Variants in EI24 observed in about 807,000 individuals in gnomAD.
EI24 encodes etoposide-induced protein 2.4 homolog.
In EI24, 21 loss-of-function variants were observed where a neutral mutation model predicts 48.6. That is an observed-to-expected ratio of 0.43 (90% CI 0.31 to 0.62). The LOEUF is 0.62. Ranked by LOEUF, EI24 falls within the 20% of genes least tolerant of loss-of-function variation. The pLI is 0.10. For missense variants in EI24, 280 were observed against 410.5 expected, an observed-to-expected ratio of 0.68 and a Z score of 2.75; for synonymous variants, 114 against 145.5, an observed-to-expected ratio of 0.78 and a Z score of 1.56.
At chr11:125,578,423 A>T (rs1397075255) in intron 6 of EI24, among the ~76,000 whole-genome samples, 166 bp downstream of exon 6, 2 of 148,360 alleles carry the variant, frequency 1.3e-5, no homozygotes, top group Admixed American at 6.7e-5. Context: ...ACAGAATGGA[A>T]TTATTGTCTC....
rs1938749735 is a variant in EI24 at position 125,576,442 on chromosome 11, T to C, written c.249+127T>C. The C allele has an allele frequency of 4.6e-6, 4 of 874,406 alleles. No individual in the cohort carries two copies. In the South Asian group the frequency reaches 6.2e-5, roughly 14 times the overall value. 54.2% of individuals were successfully genotyped at this position (874,406 alleles called of 1,614,324 possible). On this transcript the variant is annotated intron_variant, in intron 4 of 10. Transcript: ENST00000278903. ...ATCTGCTGATGTACACTTAGAAATA[T>C]AACTCAGGAGTCTGTGCATCTGCAG...
rs945273269 is a variant in EI24, at chr11:125,575,158, T to G, written c.43-105T>G. ...AGGAGGATCATTTGAACCCAGGAGT[T>G]GGAGGCTGCAGTGAGCTATGATTGA... On this transcript the variant is annotated intron_variant, in intron 2 of 10. Transcript: ENST00000278903. The G allele has an allele frequency of 2.2e-5, 23 of 1,031,906 alleles. 1 individual carries two copies. In the African/African-American group the frequency reaches 3.2e-4, roughly 15 times the overall value. The allele number at this position is 1,031,906 out of a possible 1,614,324, so 63.9% of individuals were successfully genotyped here.
At chr11:125,574,336 T>A (rs1938649915) in intron 2 of EI24, among the ~76,000 whole-genome samples, 1 of 152,174 alleles carries the variant, frequency 6.6e-6, no homozygotes, top group Non-Finnish European at 1.5e-5. Flanking sequence ...GTAGATGTCT[T>A]AGAGGTGGGG....
chr11:125,582,224 A>T, intron 9 of EI24, 122 bp from the exon 10 acceptor site: 4 of 829,628 alleles, frequency 4.8e-6, no homozygotes, highest in African/African-American at 1.8e-5. Context: ...TGAAATATTG[A>T]GGTTTCATCA....
chr11:125,581,275 T>G lies in EI24; in HGVS notation c.738T>G (p.Gly246=). The part of the protein sequence containing the change: ...ERNWPYYFGF[G]LPLAFLTAMQ... ...ATTGGCCTTACTACTTTGGGTTTGG[T>G]TTGCCCTTGGCTTTTCTCACAGCAA... Residue 246 remains glycine (G), a synonymous_variant, in exon 9 of 11, where the codon GGT becomes GGG. Transcript: ENST00000278903. 1 of 1,611,630 alleles carries G rather than the reference T, an allele frequency of 6.2e-7. No individual in the cohort carries two copies. Among genetic ancestry groups the G allele is most frequent in the Non-Finnish European group, 8.5e-7 (1 of 1,178,536 alleles).
rs533979857 is a variant in EI24 at position 125,573,538 on chromosome 11, G to C, written c.42+969G>C. ...GAGGCAGGATTGCTTGAGTCTGGGA[G>C]TATGAAGCAGTAGTGAACTATGATG... On this transcript the variant is annotated intron_variant, in intron 2 of 10. Coordinates refer to ENST00000278903, the MANE Select transcript of EI24 (RefSeq NM_004879.5). 253 of 379,740 alleles carry C rather than the reference G, an allele frequency of 6.7e-4. 5 individuals are homozygous for C. Among genetic ancestry groups the C allele is most frequent in the South Asian group, 4.8e-3 (246 of 51,570 alleles). 23.5% of individuals were successfully genotyped at this position (379,740 alleles called of 1,614,324 possible).
chr11:125,579,351 A>ATT (rs562498961), intron 7 of EI24, among the ~76,000 whole-genome samples: 2 of 144,320 alleles, frequency 1.4e-5, no homozygotes, highest in Non-Finnish European at 3.1e-5. Context: ...GTTATGCCTA[A>ATT]TTTTTTTTTT....
rs189254239 is a variant in EI24 at position 125,579,932 on chromosome 11, G to A, written c.562-161G>A. Among the ~76,000 whole-genome samples, 488 of 152,212 alleles carry A rather than the reference G, an allele frequency of 3.2e-3. 1 individual carries two copies. Among genetic ancestry groups the A allele is most frequent in the African/African-American group, 0.011 (463 of 41,520 alleles). ...TCCCGCCTCATCCTCCCAAACTGTTGGGATTACAGGAATGAGTCACTGTGC... is the reference window on the plus strand; with the variant it reads ...TCCCGCCTCATCCTCCCAAACTGTTAGGATTACAGGAATGAGTCACTGTGC... On this transcript the variant is annotated intron_variant, in intron 7 of 10. Transcript: ENST00000278903.
chr11:125,575,919 G>T, intron 3 of EI24: 1 of 389,460 alleles, frequency 2.6e-6, no homozygotes. Context: ...GAACCGGCTG[G>T]CTGGAAGTAC....
chr11:125,577,718 A>C, intron 5 of EI24, 148 bp downstream of exon 5: 2 of 685,978 alleles, frequency 2.9e-6, no homozygotes, highest in South Asian at 4.6e-5. Flanking sequence ...AAAAATTTAT[A>C]TTTCGTTATT....
chr11:125,579,142 AAGAC>A (rs1938881111), intron 7 of EI24, 74 bp downstream of exon 7: 1 of 1,408,972 alleles, frequency 7.1e-7, no homozygotes. Flanking sequence ...GAACTTCACA[AAGAC>A]AGAGTATTAT....
intron 3 of EI24, chr11:125,575,878 T>G (rs1350602909): frequency 2.4e-6 from 1 of 412,090 alleles, no homozygotes; most frequent in Non-Finnish European, 4.9e-6. Context: ...AGCCTCTGCC[T>G]CCCAGGTCCA....
At chr11:125,581,955 T>C (rs1225365835) in intron 9 of EI24, among the ~76,000 whole-genome samples, 1 of 151,850 alleles carries the variant, frequency 6.6e-6, no homozygotes, top group South Asian at 2.1e-4. Context: ...TCCAGCACTT[T>C]GGGAGGCTGA....
At position 125,581,196 on chromosome 11, in the gene EI24, GCTTT is replaced by G. The variant is rs1938978606; in HGVS notation, c.674-11_674-8del. ...GGAAATATAATATCTAATTGTATTG[GCTTT>G]CTTGTTTTAGGAATTGAAATGCACC... is the stretch of plus-strand genomic sequence containing the variant. On this transcript the variant is annotated splice_polypyrimidine_tract_variant and intron_variant, in intron 8 of 10. Coordinates refer to ENST00000278903, the MANE Select transcript of EI24 (RefSeq NM_004879.5). 6.3e-7 allele frequency: 1 copy of G among 1,577,374 alleles called. No individual in the cohort carries two copies. Among genetic ancestry groups the G allele is most frequent in the African/African-American group, 1.4e-5 (1 of 74,026 alleles).
At chr11:125,576,378 A>C in intron 4 of EI24, 63 bp downstream of exon 4, 1 of 1,461,028 alleles carries the variant, frequency 6.8e-7, no homozygotes, top group Non-Finnish European at 9.5e-7. Flanking sequence ...GTTGATAGCT[A>C]TGAACTGTTT....
At chr11:125,578,369 A>C in intron 6 of EI24, 112 bp downstream of exon 6, 1 of 1,420,988 alleles carries the variant, frequency 7.0e-7, no homozygotes, top group South Asian at 1.3e-5. Context: ...TTTCAGCCTT[A>C]ATGTTTCTTG....
At chr11:125,569,729 C>T (rs1275699831) in intron 1 of EI24, 156 bp downstream of exon 1, 5 of 315,668 alleles carry the variant, frequency 1.6e-5, no homozygotes, top group Non-Finnish European at 2.3e-5. Flanking sequence ...GGGACGGGGC[C>T]GGGCACATCC....
chr11:125,572,014 T>C (rs1938553390), intron 1 of EI24, among the ~76,000 whole-genome samples: 1 of 152,256 alleles, frequency 6.6e-6, no homozygotes, highest in African/African-American at 2.4e-5. Flanking sequence ...AACTTTTATC[T>C]TGCTCTTGTA....
chr11:125,580,344 T>C, intron 8 of EI24, 140 bp downstream of exon 8: 1 of 687,266 alleles, frequency 1.5e-6, no homozygotes, highest in Non-Finnish European at 2.6e-6. Flanking sequence ...AAGAGGGAGC[T>C]TACCTTCGGC....
Sources: allele counts gnomAD v4.1 joint callset (sites outside exome capture counted in the v4.1 genomes callset), GRCh38; gene constraint gnomAD v4.1.1; transcripts MANE v1.5; gene names NCBI Gene and HGNC (gene_info 2026-07-23, HGNC 2026-07-21).